Variants in LARGE1 observed in about 807,000 individuals in gnomAD.
LARGE1 encodes the protein xylosyl- and glucuronyltransferase LARGE1.
In LARGE1, 43 loss-of-function variants were observed where a neutral mutation model predicts 87.6. The observed-to-expected ratio is 0.49, with a 90% CI of 0.38 to 0.63. LARGE1 has a LOEUF of 0.63. Among genes scored for constraint, LARGE1 ranks in the 30% least tolerant of loss-of-function variants. The pLI, the probability that LARGE1 is intolerant of heterozygous loss-of-function variation, is 0.00. For missense variants in LARGE1, 802 were observed against 1,000.2 expected, an observed-to-expected ratio of 0.80 and a Z score of 2.67; for synonymous variants, 434 against 394.6, an observed-to-expected ratio of 1.10 and a Z score of -1.18.
intron 2 of LARGE1, among the ~76,000 whole-genome samples, chr22:33,738,844 C>CA (rs546110880): frequency 0.05 from 3,721 of 74,162 alleles, 184 homozygotes; most frequent in African/African-American, 0.16. Flanking sequence ...GACTCCGTCT[C>CA]AAAAAAAAAA....
At chr22:33,170,035 A>G (rs1032995743) in intron 11 of LARGE1, among the ~76,000 whole-genome samples, 72 of 152,096 alleles carry the variant, frequency 4.7e-4, no homozygotes, top group African/African-American at 1.7e-3. Context: ...TGATGGTATT[A>G]GCAGGTGGAG....
At position 33,337,687 on chromosome 22, in the gene LARGE1, G is replaced by A; in HGVS notation, c.1246C>T (p.Leu416=). Residue 416 remains leucine (L), a synonymous_variant, in exon 10 of 15, where the codon CTG becomes TTG. Coordinates refer to ENST00000397394, the MANE Select transcript of LARGE1 (RefSeq NM_133642.5). The part of the protein sequence containing the change: ...EYDGNLLRRE[L]FGCPSEADVN... Reference sequence around the variant, plus strand: ...TCAGCCTCACTGGGGCAGCCAAACAGTTCCCGCCTCAGAAGATTGCCGTCA... The same window carrying A: ...TCAGCCTCACTGGGGCAGCCAAACAATTCCCGCCTCAGAAGATTGCCGTCA... 1 of 1,614,116 alleles carries A rather than the reference G, an allele frequency of 6.2e-7. No homozygotes were observed. The highest frequency in any genetic ancestry group is 8.5e-7 in the Non-Finnish European group (1 of 1,180,032).
chr22:33,882,035 G>GTTTTTTTTTTTTTTTTT (rs56757133), intron 1 of LARGE1, among the ~76,000 whole-genome samples: 10 of 144,228 alleles, frequency 6.9e-5, no homozygotes, highest in African/African-American at 2.6e-4. Flanking sequence ...TTTTGTTTTT[G>GTTTTTTTTTTTTTTTTT]TTTTTTTTTG....
chr22:33,146,971 C>G, the LARGE1 span, among the ~76,000 whole-genome samples: 1 of 152,112 alleles, frequency 6.6e-6, no homozygotes, highest in Non-Finnish European at 1.5e-5. Flanking sequence ...TACTCTTGAG[C>G]CTCATATCAA....
At chr22:33,334,588 C>T (rs188050972) in intron 10 of LARGE1, among the ~76,000 whole-genome samples, 28 of 152,198 alleles carry the variant, frequency 1.8e-4, no homozygotes, top group Admixed American at 1.1e-3. Context: ...ATAGCAAGCA[C>T]GAAAGCCCTA....
intron 11 of LARGE1, among the ~76,000 whole-genome samples, chr22:33,196,528 T>C (rs1353840516): frequency 6.6e-6 from 1 of 152,080 alleles, no homozygotes; most frequent in Non-Finnish European, 1.5e-5. Context: ...TAAGAAAACA[T>C]TATGCCCAGA....
chr22:33,624,014 G>C (rs1290962207), intron 4 of LARGE1, among the ~76,000 whole-genome samples: 2 of 151,950 alleles, frequency 1.3e-5, no homozygotes, highest in Non-Finnish European at 1.5e-5. Context: ...TTGGCGACAA[G>C]AGCAAAACTC....
At chr22:33,921,039 G>C (rs954010939), upstream of LARGE1, among the ~76,000 whole-genome samples, 10 of 150,438 alleles carry the variant, frequency 6.6e-5, no homozygotes, top group East Asian at 1.2e-3. This position sits in a 1 kb window ranked among gnomAD's most constrained non-coding sequence, Gnocchi z 4.1. Flanking sequence ...GTGCAGCCGG[G>C]GGGGACCGCG....
At chr22:33,336,228 T>A (rs1028972038) in intron 10 of LARGE1, among the ~76,000 whole-genome samples, 1 of 152,136 alleles carries the variant, frequency 6.6e-6, no homozygotes, top group African/African-American at 2.4e-5. Flanking sequence ...TTTGAGAGAG[T>A]CTCACTTTGT....
intron 5 of LARGE1, among the ~76,000 whole-genome samples, chr22:33,577,985 C>A (rs545050145): frequency 1.3e-5 from 2 of 152,320 alleles, no homozygotes; most frequent in South Asian, 2.1e-4. Context: ...GATGGCTTCA[C>A]TCAGCTCTTG....
At chr22:33,735,276 T>C (rs908740801) in intron 2 of LARGE1, among the ~76,000 whole-genome samples, 1 of 152,222 alleles carries the variant, frequency 6.6e-6, no homozygotes, top group Non-Finnish European at 1.5e-5. Flanking sequence ...CCTTTTTCCT[T>C]TGTTTTGTTA....
chr22:33,810,727 C>CTTT (rs200170340), intron 1 of LARGE1, among the ~76,000 whole-genome samples: 1 of 143,180 alleles, frequency 7.0e-6, no homozygotes, highest in Non-Finnish European at 1.5e-5. Flanking sequence ...GGATGAATTT[C>CTTT]TTTTTTTTTT....
intron 1 of LARGE1, among the ~76,000 whole-genome samples, chr22:33,886,892 AG>A (rs2064867542): frequency 6.6e-6 from 1 of 152,158 alleles, no homozygotes; most frequent in African/African-American, 2.4e-5. Context: ...CCAGTCCAGC[AG>A]GGAAGAAACA....
chr22:33,441,521 A>G (rs996474978), intron 6 of LARGE1, among the ~76,000 whole-genome samples: 6 of 152,110 alleles, frequency 3.9e-5, no homozygotes, highest in Non-Finnish European at 7.4e-5. Flanking sequence ...TGGCACAATC[A>G]TGGCTCAGCG....
At chr22:33,221,715 C>A (rs1035876745) in intron 11 of LARGE1, 4 of 152,222 alleles carry the variant, frequency 2.6e-5, no homozygotes, top group African/African-American at 9.6e-5. Flanking sequence ...TTTTCCATTC[C>A]CGCCTCTACT....
intron 11 of LARGE1, among the ~76,000 whole-genome samples, chr22:33,207,742 G>T (rs944987839): frequency 6.6e-6 from 1 of 152,046 alleles, no homozygotes; most frequent in Non-Finnish European, 1.5e-5. Context: ...CAAATCCACT[G>T]CTCCAACAGA....
intron 6 of LARGE1, among the ~76,000 whole-genome samples, chr22:33,500,921 C>A (rs62225319): frequency 1.3e-5 from 2 of 152,142 alleles, no homozygotes; most frequent in African/African-American, 4.8e-5. Context: ...ATCATTCACT[C>A]CCAGCATAGG....
chr22:33,357,640 C>T (rs1941016481), intron 9 of LARGE1, among the ~76,000 whole-genome samples: 1 of 151,844 alleles, frequency 6.6e-6, no homozygotes, highest in African/African-American at 2.4e-5. Context: ...ACCAAAAATA[C>T]AAAATTAGCC....
At chr22:33,777,617 T>G (rs1464804607) in intron 1 of LARGE1, among the ~76,000 whole-genome samples, 2 of 116,158 alleles carry the variant, frequency 1.7e-5, no homozygotes, top group Non-Finnish European at 3.4e-5. Flanking sequence ...CACTCCAGTC[T>G]GGGCAACAGA....
Sources: allele counts gnomAD v4.1 joint callset (sites outside exome capture counted in the v4.1 genomes callset), GRCh38; gene constraint gnomAD v4.1.1; non-coding constraint Gnocchi (gnomAD v3.1); transcripts MANE v1.5; gene names NCBI Gene and HGNC (gene_info 2026-07-23, HGNC 2026-07-21).